Variants in CFAP92 observed in about 807,000 individuals in gnomAD.
CFAP92 encodes cilia and flagella associated protein 92 (putative).
CFAP92 carries 86 observed loss-of-function variants against 106.3 expected under a neutral mutation model. The ratio of observed to expected loss-of-function variants is 0.81; its 90% confidence interval spans 0.68 to 0.97. CFAP92 has a LOEUF of 0.97. CFAP92 is among the 50% of genes least tolerant of loss of function. CFAP92 has a pLI of 0.00. For missense variants in CFAP92, 1,204 were observed against 1,283.8 expected (o/e 0.94, Z 0.95); for synonymous variants, 477 against 506.4 (o/e 0.94, Z 0.78).
chr3:128,935,332 G>A lies in CFAP92; in HGVS notation c.2259-13C>T. On this transcript the variant is annotated splice_polypyrimidine_tract_variant and intron_variant, in intron 10 of 15. Coordinates refer to ENST00000645291, the MANE Select transcript of CFAP92 (RefSeq NM_001394090.1). ...TGACCTGGGAATCCTGCAAGAGACA[G>A]AAGGCCAAGAGCTAACTTGCATGGC... The A allele has an allele frequency of 6.7e-7, 1 of 1,486,214 alleles. No homozygotes were observed. The highest frequency in any genetic ancestry group is 1.4e-5 in the African/African-American group (1 of 72,222). 92.1% of individuals were successfully genotyped at this position (1,486,214 alleles called of 1,614,324 possible). A position where few individuals can be genotyped will look rare whatever the true frequency, so the allele number is the denominator to read the frequency against.
At chr3:128,948,981 G>T (rs181292526) in intron 9 of CFAP92, among the ~76,000 whole-genome samples, 1 of 152,160 alleles carries the variant, frequency 6.6e-6, no homozygotes, top group African/African-American at 2.4e-5. Context: ...ATCATTATCC[G>T]TCAGGGAACT....
At chr3:128,915,925 T>C (rs1388285119) in intron 13 of CFAP92, 182 bp downstream of exon 13, 2 of 444,292 alleles carry the variant, frequency 4.5e-6, no homozygotes, top group Non-Finnish European at 7.6e-6. Context: ...CCCTCAGGTG[T>C]GGAGGATTCA....
upstream of CFAP92, among the ~76,000 whole-genome samples, chr3:129,005,376 G>A (rs1458023797): frequency 6.6e-6 from 1 of 152,242 alleles, no homozygotes; most frequent in African/African-American, 2.4e-5. Flanking sequence ...AGGGCAGAAG[G>A]GACCATTCAA....
chr3:128,924,684 TG>T (rs779950124), intron 12 of CFAP92, among the ~76,000 whole-genome samples: 14 of 151,962 alleles, frequency 9.2e-5, no homozygotes, highest in Non-Finnish European at 1.3e-4. Flanking sequence ...CAACCTCAGG[TG>T]ATCTGCCTGC....
At chr3:128,968,110 T>C (rs369611912) in intron 8 of CFAP92, 5 of 152,238 alleles carry the variant, frequency 3.3e-5, no homozygotes, top group African/African-American at 1.2e-4. Flanking sequence ...CTTAACCTTG[T>C]GTGGTTGCTG....
Position 128,988,785 on chromosome 3 carries a change from T to A in CFAP92, c.396A>T (p.Lys132Asn). 1.9e-6 allele frequency: 3 copies of A among 1,614,012 alleles called. No individual in the cohort carries two copies. The South Asian group carries it at 3.3e-5, about 18-fold the overall frequency. ...CCATTGGAAATAGCAATATGTCAAC[T>A]TTTTTAGGTTCTTCATCGTCCGGCA... ...FLLPDDEEPK[K>N]VDILLFPMVA... The change falls in exon 3 of 16, where the codon AAA (lysine) becomes AAT (asparagine). Residue 132 changes from lysine (K) to asparagine (N), a missense_variant. By Grantham distance (94) the Lys-to-Asn change is moderately conservative (BLOSUM62 0). Coordinates refer to ENST00000645291, the MANE Select transcript of CFAP92 (RefSeq NM_001394090.1).
At chr3:128,976,059 G>A (rs1405087915) in intron 6 of CFAP92, among the ~76,000 whole-genome samples, 156 bp from the exon 7 acceptor site, 1 of 152,174 alleles carries the variant, frequency 6.6e-6, no homozygotes, top group Admixed American at 6.5e-5. Context: ...CAATGTGCCT[G>A]TGAGTTACCT....
At position 128,978,092 on chromosome 3, in the gene CFAP92, G is replaced by A. The variant is rs200283660; in HGVS notation, c.761C>T (p.Pro254Leu). 387 of 1,613,714 alleles carry A rather than the reference G, an allele frequency of 2.4e-4. 2 individuals carry two copies. The highest frequency in any genetic ancestry group is 2.9e-4 in the Non-Finnish European group (337 of 1,179,876). ...IVREESNQEHPPGKQEKTEKH... is the reference protein window; with the variant it reads ...IVREESNQEHLPGKQEKTEKH... ...TTCTGTTTTTTCTTGTTTTCCTGGC[G>A]GATGTTCCTGGTTCGACTCTTCTCT... The change falls in exon 5 of 16, where the codon CCG (proline) becomes CTG (leucine). Residue 254 changes from proline (P) to leucine (L), a missense_variant. By Grantham distance (98) the Pro-to-Leu change is moderately conservative. Transcript: ENST00000645291.
At chr3:129,001,902 G>C (rs1283543328) in intron 1 of CFAP92, 7 of 1,538,376 alleles carry the variant, frequency 4.6e-6, no homozygotes, top group Middle Eastern at 1.7e-4. Context: ...GCGCGCGGAG[G>C]GGGCCACCAC....
At chr3:128,912,061 G>A (rs932193558) in intron 15 of CFAP92, among the ~76,000 whole-genome samples, 5 of 152,206 alleles carry the variant, frequency 3.3e-5, no homozygotes, top group East Asian at 1.9e-4. Context: ...AAGCCCAGTC[G>A]TGTTGCCAAG....
chr3:128,949,236 T>C (rs4527401), intron 9 of CFAP92, among the ~76,000 whole-genome samples: 41 of 152,380 alleles, frequency 2.7e-4, no homozygotes, highest in Middle Eastern at 3.4e-3. Flanking sequence ...TGAAAACTTA[T>C]GTTCCTATAA....
upstream of CFAP92, among the ~76,000 whole-genome samples, chr3:129,006,810 C>T (rs1486968166): frequency 6.6e-6 from 1 of 152,084 alleles, no homozygotes; most frequent in Non-Finnish European, 1.5e-5. Context: ...CTACCTTGCC[C>T]GGGGGGCTGA....
At chr3:129,003,785 T>C (rs1944920488), upstream of CFAP92, 1 of 1,433,868 alleles carries the variant, frequency 7.0e-7, no homozygotes, top group Non-Finnish European at 9.1e-7. Flanking sequence ...TGCTGCCCTG[T>C]CCCCGCAGGT....
intron 9 of CFAP92, among the ~76,000 whole-genome samples, chr3:128,959,302 C>T (rs1941685100): frequency 6.6e-6 from 1 of 152,076 alleles, no homozygotes; most frequent in Non-Finnish European, 1.5e-5. Flanking sequence ...AAAGGTTCAA[C>T]TTCAATGAAA....
intron 9 of CFAP92, among the ~76,000 whole-genome samples, chr3:128,963,308 T>C (rs1942096251): frequency 2.6e-5 from 4 of 152,184 alleles, no homozygotes; most frequent in Admixed American, 2.0e-4. Flanking sequence ...TCCAAACAAC[T>C]TGACCTTACT....
chr3:128,927,748 T>C lies in CFAP92; in HGVS notation c.2751+4952A>G, dbSNP rs530950651. Among the ~76,000 whole-genome samples, 729 of 151,436 alleles carry C rather than the reference T, an allele frequency of 4.8e-3. 8 individuals carry two copies. The highest frequency in any genetic ancestry group is 0.017 in the African/African-American group (694 of 41,254). ...CAAAAAAAAAAAAAAAAATTAATTCTATTTCTATATTATGGAAACAATACA... is the reference window on the plus strand; with the variant it reads ...CAAAAAAAAAAAAAAAAATTAATTCCATTTCTATATTATGGAAACAATACA... On this transcript the variant is annotated intron_variant, in intron 12 of 15. Coordinates refer to ENST00000645291, the MANE Select transcript of CFAP92 (RefSeq NM_001394090.1).
At chr3:129,017,127 T>C in the CFAP92 span, among the ~76,000 whole-genome samples, 2 of 152,216 alleles carry the variant, frequency 1.3e-5, no homozygotes, top group African/African-American at 4.8e-5. Flanking sequence ...CCTGGCAGAC[T>C]TCCCCTCACC....
intron 1 of CFAP92, chr3:129,002,460 C>T: frequency 7.3e-7 from 1 of 1,379,276 alleles, no homozygotes. Context: ...TCCCACTCCG[C>T]ATCAGCACAC....
At chr3:129,019,299 G>A in the CFAP92 span, among the ~76,000 whole-genome samples, 2 of 152,112 alleles carry the variant, frequency 1.3e-5, no homozygotes, top group African/African-American at 4.8e-5. Context: ...TACCCTTTTG[G>A]GTGATGAAGA....
Sources: gnomAD v4.1 joint callset for allele counts (sites outside exome capture counted in the v4.1 genomes callset) on GRCh38, gnomAD v4.1.1 for gene constraint, MANE v1.5 for transcripts, NCBI Gene and HGNC (gene_info 2026-07-23, HGNC 2026-07-21) for gene names.